The following VWA3B variants were observed in gnomAD, a reference collection of about 807,000 sequenced individuals.
VWA3B encodes the protein von Willebrand factor A domain-containing protein 3B.
VWA3B carries 138 observed loss-of-function variants against 158.3 expected under a neutral mutation model. That is an observed-to-expected ratio of 0.87 (90% CI 0.76 to 1.00). VWA3B has a LOEUF of 1.00. Among genes scored for constraint, VWA3B ranks in the 50% least tolerant of loss-of-function variants. The pLI, the probability that VWA3B is intolerant of heterozygous loss-of-function variation, is 0.00. For synonymous variants in VWA3B, 596 were observed against 587.3 expected, an observed-to-expected ratio of 1.01 and a Z score of -0.21; for missense variants, 1,555 against 1,565.1, an observed-to-expected ratio of 0.99 and a Z score of 0.11.
chr2:98,155,924 T>C (rs539422035), intron 7 of VWA3B, among the ~76,000 whole-genome samples: 1 of 152,280 alleles, frequency 6.6e-6, no homozygotes, highest in African/African-American at 2.4e-5. Flanking sequence ...AGAGTGATCA[T>C]GTATTTACAT....
chr2:98,290,025 T>C (rs2105946204), intron 22 of VWA3B, among the ~76,000 whole-genome samples: 1 of 152,316 alleles, frequency 6.6e-6, no homozygotes, highest in African/African-American at 2.4e-5. Context: ...TTCTATAATG[T>C]GATTCTCAAT....
chr2:98,311,035 G>A (rs942184253), intron 26 of VWA3B, among the ~76,000 whole-genome samples: 2 of 152,168 alleles, frequency 1.3e-5, no homozygotes, highest in East Asian at 1.9e-4. Flanking sequence ...GAAGTTATGC[G>A]GAGTAAAAAC....
intron 21 of VWA3B, among the ~76,000 whole-genome samples, chr2:98,258,594 G>A (rs771340097): frequency 5.3e-5 from 8 of 151,628 alleles, no homozygotes; most frequent in Non-Finnish European, 5.9e-5. Flanking sequence ...TCTTTTGGGT[G>A]CTATTATAAA....
chr2:98,300,325 C>A, intron 25 of VWA3B, 109 bp downstream of exon 25: 3 of 1,443,118 alleles, frequency 2.1e-6, no homozygotes, highest in Non-Finnish European at 2.8e-6. Flanking sequence ...ATCTGCTGCC[C>A]TGCTCTCCAC....
intron 7 of VWA3B, among the ~76,000 whole-genome samples, chr2:98,146,912 G>A (rs1245960841): frequency 6.6e-6 from 1 of 152,198 alleles, no homozygotes; most frequent in Non-Finnish European, 1.5e-5. Flanking sequence ...GGAACCTGAT[G>A]TCTTCATCAA....
intron 6 of VWA3B, among the ~76,000 whole-genome samples, chr2:98,129,656 A>G (rs1053396126): frequency 2.0e-5 from 3 of 151,114 alleles, no homozygotes; most frequent in Non-Finnish European, 4.4e-5. Flanking sequence ...TAGTAATAAA[A>G]CCTGCATTTA....
At chr2:98,244,368 TATTTCA>T (rs1017390839) in intron 19 of VWA3B, among the ~76,000 whole-genome samples, 4 of 152,276 alleles carry the variant, frequency 2.6e-5, no homozygotes, top group East Asian at 1.9e-4. Context: ...TGCTAAATGG[TATTTCA>T]ATTTCAATTT....
rs771630543 is a variant in VWA3B at position 98,230,093 on chromosome 2, T to C, written c.2194T>C (p.Cys732Arg). 8.1e-6 allele frequency: 13 copies of C among 1,607,112 alleles called. No individual in the cohort carries two copies. Among genetic ancestry groups the C allele is most frequent in the Non-Finnish European group, 1.1e-5 (13 of 1,178,420 alleles). The change falls in exon 16 of 28, where the codon TGT becomes CGT. Residue 732 changes from cysteine (C) to arginine (R), a missense_variant. By Grantham distance (180) the Cys-to-Arg change is radical (BLOSUM62 -3). Coordinates refer to ENST00000477737, the MANE Select transcript of VWA3B (RefSeq NM_144992.5). ...TTCTATGATTTCAACCCCAGAAAAG[T>C]GTGCAAAGCCTCAATCTGATGTCGA... ...ICSMISTPEK[C>R]AKPQSDVDST...
chr2:98,174,410 C>A (rs1318303053), intron 8 of VWA3B, among the ~76,000 whole-genome samples: 2 of 152,154 alleles, frequency 1.3e-5, no homozygotes, highest in Non-Finnish European at 2.9e-5. Flanking sequence ...CATTATGTGA[C>A]CTGTTCACTG....
chr2:98,136,997 T>C (rs1193772206), intron 7 of VWA3B, among the ~76,000 whole-genome samples: 1 of 152,234 alleles, frequency 6.6e-6, no homozygotes, highest in Non-Finnish European at 1.5e-5. Flanking sequence ...CTTTCTAAGG[T>C]TGATAATAGT....
At chr2:98,317,331 AC>A (rs11409838), downstream of VWA3B, among the ~76,000 whole-genome samples, 112 of 150,862 alleles carry the variant, frequency 7.4e-4, 1 homozygote, top group Middle Eastern at 3.4e-3. Flanking sequence ...AAAATTCTAA[AC>A]CCCCCCCAGC....
At chr2:98,255,407 C>A (rs1320473459) in intron 20 of VWA3B, among the ~76,000 whole-genome samples, 2 of 129,060 alleles carry the variant, frequency 1.5e-5, no homozygotes, top group East Asian at 3.9e-4. Context: ...CTCAGAAAGC[C>A]TGCTTTTGGG....
At chr2:98,177,478 A>G (rs890532416) in intron 8 of VWA3B, among the ~76,000 whole-genome samples, 6 of 152,162 alleles carry the variant, frequency 3.9e-5, no homozygotes, top group Non-Finnish European at 1.5e-5. Flanking sequence ...TAGTGAATGG[A>G]TGATGCCCTT....
intron 20 of VWA3B, among the ~76,000 whole-genome samples, chr2:98,253,788 C>T (rs940341499): frequency 1.3e-5 from 2 of 152,068 alleles, no homozygotes; most frequent in Non-Finnish European, 2.9e-5. Flanking sequence ...CCAAATTTCT[C>T]TCTCCTACAA....
intron 16 of VWA3B, among the ~76,000 whole-genome samples, chr2:98,233,299 T>TAC (rs1237279671): frequency 2.0e-5 from 3 of 152,218 alleles, no homozygotes; most frequent in Admixed American, 2.0e-4. Flanking sequence ...TGACTGATCC[T>TAC]ACAGAGTCCG....
chr2:98,135,484 C>T (rs932657262), intron 7 of VWA3B, among the ~76,000 whole-genome samples: 3 of 149,714 alleles, frequency 2.0e-5, no homozygotes, highest in Admixed American at 1.3e-4. Context: ...TACAGGCGCC[C>T]GCCACTACGC....
chr2:98,250,526 T>A, intron 20 of VWA3B, 90 bp downstream of exon 20: 1 of 1,101,086 alleles, frequency 9.1e-7, no homozygotes, highest in South Asian at 1.6e-5. Flanking sequence ...GCTTTTTTTT[T>A]TTTTTAATGA....
intron 21 of VWA3B, among the ~76,000 whole-genome samples, chr2:98,267,808 A>T (rs1178216244): frequency 6.6e-6 from 1 of 152,146 alleles, no homozygotes; most frequent in African/African-American, 2.4e-5. Context: ...CTAATAAAGA[A>T]AAAAAGAGAG....
chr2:98,151,353 C>T (rs544358804), intron 7 of VWA3B, among the ~76,000 whole-genome samples: 1 of 152,334 alleles, frequency 6.6e-6, no homozygotes, highest in African/African-American at 2.4e-5. Context: ...GATCCGCCTG[C>T]CTCGGCCTCC....
Sources: allele counts gnomAD v4.1 joint callset (sites outside exome capture counted in the v4.1 genomes callset), GRCh38; gene constraint gnomAD v4.1.1; transcripts MANE v1.5; gene names NCBI Gene and HGNC (gene_info 2026-07-23, HGNC 2026-07-21).